UBE2G1: variants seen among roughly 807,000 people sequenced by gnomAD.
The protein encoded by UBE2G1 is ubiquitin-conjugating enzyme E2 G1.
UBE2G1 carries 5 observed loss-of-function variants against 22.7 expected under a neutral mutation model. That is an observed-to-expected ratio of 0.22 (90% confidence interval 0.12 to 0.46). The LOEUF is 0.46. Among genes scored for constraint, UBE2G1 ranks in the 20% least tolerant of loss-of-function variants. UBE2G1 has a pLI of 0.99. For missense variants in UBE2G1, 88 were observed against 203.9 expected, an observed-to-expected ratio of 0.43 and a Z score of 3.46; for synonymous variants, 74 against 67.5, an observed-to-expected ratio of 1.10 and a Z score of -0.47.
intron 5 of UBE2G1, among the ~76,000 whole-genome samples, chr17:4,281,812 A>T (rs971498811): frequency 3.3e-5 from 5 of 152,210 alleles, no homozygotes; most frequent in Admixed American, 6.5e-5. Flanking sequence ...TATAGTAACA[A>T]ACTATAGAAA....
At chr17:4,276,729 A>C (rs923003496) in intron 5 of UBE2G1, among the ~76,000 whole-genome samples, 2 of 152,206 alleles carry the variant, frequency 1.3e-5, no homozygotes, top group Non-Finnish European at 2.9e-5. Flanking sequence ...CAAGTTCCCT[A>C]GGAAACGGAT....
At chr17:4,330,138 T>C (rs1313618005) in intron 1 of UBE2G1, among the ~76,000 whole-genome samples, 2 of 152,048 alleles carry the variant, frequency 1.3e-5, no homozygotes, top group Admixed American at 6.6e-5. Context: ...TTTACATGTA[T>C]GAAGTACATT....
intron 1 of UBE2G1, among the ~76,000 whole-genome samples, chr17:4,354,836 A>AT (rs1198161341): frequency 6.6e-6 from 1 of 150,982 alleles, no homozygotes; most frequent in African/African-American, 2.4e-5. Context: ...ACGGAGGCAG[A>AT]TAAGGTGGGA....
At chr17:4,284,460 G>A (rs916786492) in intron 4 of UBE2G1, among the ~76,000 whole-genome samples, 1 of 151,748 alleles carries the variant, frequency 6.6e-6, no homozygotes, top group African/African-American at 2.4e-5. Flanking sequence ...ATTTAGCCAG[G>A]CATGGTGGCA....
intron 1 of UBE2G1, among the ~76,000 whole-genome samples, chr17:4,332,468 G>A (rs555344933): frequency 3.0e-4 from 45 of 152,286 alleles, no homozygotes; most frequent in African/African-American, 1.1e-3. Context: ...GCAGGCAGAA[G>A]TAATCCTGGA....
chr17:4,299,604 T>C (rs946196918), intron 2 of UBE2G1, among the ~76,000 whole-genome samples: 2 of 152,196 alleles, frequency 1.3e-5, no homozygotes, highest in African/African-American at 4.8e-5. Flanking sequence ...AAAACTGACT[T>C]AGACCCTCTA....
chr17:4,358,732 A>T (rs1969934964), intron 1 of UBE2G1, among the ~76,000 whole-genome samples: 1 of 152,200 alleles, frequency 6.6e-6, no homozygotes, highest in South Asian at 2.1e-4. Flanking sequence ...CAGGTGGATC[A>T]CCTGAGGTCA....
At chr17:4,276,557 C>T (rs1968824247) in intron 5 of UBE2G1, among the ~76,000 whole-genome samples, 2 of 152,158 alleles carry the variant, frequency 1.3e-5, no homozygotes, top group Admixed American at 1.3e-4. Flanking sequence ...GTGTATCTAT[C>T]GCATTCTATG....
intron 1 of UBE2G1, among the ~76,000 whole-genome samples, chr17:4,323,033 G>A (rs1343941911): frequency 6.6e-6 from 1 of 152,192 alleles, no homozygotes; most frequent in Non-Finnish European, 1.5e-5. Flanking sequence ...AAATATCACT[G>A]ATAAATAAAT....
At chr17:4,322,899 T>A (rs1969458646) in intron 1 of UBE2G1, among the ~76,000 whole-genome samples, 1 of 152,080 alleles carries the variant, frequency 6.6e-6, no homozygotes, top group South Asian at 2.1e-4. Flanking sequence ...CAATGTGCAT[T>A]TCATATCTCC....
intron 4 of UBE2G1, among the ~76,000 whole-genome samples, chr17:4,286,998 G>A (rs1485653418): frequency 6.6e-6 from 1 of 151,984 alleles, no homozygotes; most frequent in Non-Finnish European, 1.5e-5. Flanking sequence ...TTGCAGTGAG[G>A]TGAGATCACG....
chr17:4,322,685 G>C (rs1302592738), intron 1 of UBE2G1, among the ~76,000 whole-genome samples: 1 of 152,164 alleles, frequency 6.6e-6, no homozygotes, highest in African/African-American at 2.4e-5. Context: ...GAAAAAATTG[G>C]AAGTAATGCA....
chr17:4,329,807 T>C (rs1045063999), intron 1 of UBE2G1, among the ~76,000 whole-genome samples: 4 of 139,150 alleles, frequency 2.9e-5, no homozygotes, highest in Non-Finnish European at 4.5e-5. Flanking sequence ...CCATTGCCAT[T>C]AGGCTTTTTT....
chr17:4,348,885 A>C (rs1969812218), intron 1 of UBE2G1, among the ~76,000 whole-genome samples: 1 of 151,208 alleles, frequency 6.6e-6, no homozygotes, highest in South Asian at 2.1e-4. Flanking sequence ...AAAAATAAAA[A>C]TTAATTAATT....
chr17:4,302,320 C>G (rs1598186549), intron 2 of UBE2G1: 1 of 474,288 alleles, frequency 2.1e-6, no homozygotes, highest in East Asian at 5.5e-5. Context: ...GTGGTTGCAG[C>G]CACTCTTGTG....
At chr17:4,291,870 T>G (rs1041396871) in intron 3 of UBE2G1, among the ~76,000 whole-genome samples, 3 of 152,202 alleles carry the variant, frequency 2.0e-5, no homozygotes, top group Non-Finnish European at 2.9e-5. Context: ...AACCTGTATG[T>G]CCTTCCTCTT....
At chr17:4,309,456 G>A (rs1969283310) in intron 1 of UBE2G1, among the ~76,000 whole-genome samples, 1 of 152,150 alleles carries the variant, frequency 6.6e-6, no homozygotes. Flanking sequence ...ACTTTTTAAA[G>A]ATATTGAAAG....
chr17:4,310,653 T>C (rs1196578604), intron 1 of UBE2G1, among the ~76,000 whole-genome samples: 3 of 152,158 alleles, frequency 2.0e-5, no homozygotes, highest in Non-Finnish European at 4.4e-5. Flanking sequence ...CTTTGAAGGG[T>C]GGTTCTTTTT....
chr17:4,312,711 A>G (rs112423785), intron 1 of UBE2G1, among the ~76,000 whole-genome samples: 1 of 151,290 alleles, frequency 6.6e-6, no homozygotes, highest in African/African-American at 2.4e-5. Context: ...AAAAAAAAAA[A>G]AAAACAAAAG....
Sources: gnomAD v4.1 joint callset for allele counts (sites outside exome capture counted in the v4.1 genomes callset) on GRCh38, gnomAD v4.1.1 for gene constraint, MANE v1.5 for transcripts, NCBI Gene and HGNC (gene_info 2026-07-23, HGNC 2026-07-21) for gene names.